Variants in NRXN3 observed in about 807,000 individuals in gnomAD.
The protein encoded by NRXN3 is neurexin III.
Under a neutral mutation model 137.6 loss-of-function variants are expected in NRXN3, and 32 were observed. That is an observed-to-expected ratio of 0.23 (90% confidence interval 0.18 to 0.31). The LOEUF (loss-of-function observed/expected upper bound fraction) is 0.31, where lower values mean the gene tolerates loss of function less well. NRXN3 is among the 10% of genes least tolerant of loss of function. The pLI is 1.00. For missense variants in NRXN3, 1,574 were observed against 2,062.5 expected, an observed-to-expected ratio of 0.76 and a Z score of 4.59; for synonymous variants, 798 against 784.5, an observed-to-expected ratio of 1.02 and a Z score of -0.29.
At chr14:78,904,871 C>T (rs1213745054) in intron 10 of NRXN3, among the ~76,000 whole-genome samples, 4 of 151,986 alleles carry the variant, frequency 2.6e-5, no homozygotes, top group Admixed American at 6.6e-5. Flanking sequence ...TAGTATATTC[C>T]TATTTTCCCT....
chr14:78,658,170 C>T (rs887372423), intron 6 of NRXN3, among the ~76,000 whole-genome samples: 2 of 152,022 alleles, frequency 1.3e-5, no homozygotes, highest in Non-Finnish European at 2.9e-5. Context: ...CTAGTAAAAC[C>T]CAAGTGAGGC....
At chr14:79,066,592 A>AT (rs2099681058) in intron 15 of NRXN3, among the ~76,000 whole-genome samples, 4 of 152,106 alleles carry the variant, frequency 2.6e-5, no homozygotes, top group Admixed American at 2.6e-4. Context: ...GGCCATTTTC[A>AT]TGATATTGAT....
At chr14:79,269,726 G>A (rs543151925) in intron 15 of NRXN3, among the ~76,000 whole-genome samples, 17 of 152,222 alleles carry the variant, frequency 1.1e-4, no homozygotes, top group African/African-American at 3.9e-4. Flanking sequence ...TTCCCATACC[G>A]ATGAGCTTTT....
At chr14:78,880,515 C>G (rs934243284) in intron 10 of NRXN3, among the ~76,000 whole-genome samples, 5 of 152,082 alleles carry the variant, frequency 3.3e-5, no homozygotes, top group African/African-American at 1.2e-4. Flanking sequence ...ACCAAAGAAA[C>G]TGATATCCCA....
chr14:79,605,548 CATG>C lies in NRXN3; in HGVS notation c.3445-58226_3445-58224del, dbSNP rs2097998044. Among the ~76,000 whole-genome samples the C allele has an allele frequency of 2.0e-5, 3 of 152,038 alleles. No individual in the cohort carries two copies. In the South Asian group the frequency reaches 6.2e-4, roughly 32 times the overall value. ...TGTCACCCAGGCTGGAATGCAGTGG[CATG>C]ATGTCAGCTCACTGCAACCTCCGCC... is the stretch of plus-strand genomic sequence containing the variant. On this transcript the variant is annotated intron_variant, in intron 16 of 20. Transcript: ENST00000335750.
At chr14:79,685,501 GC>G (rs2098690985) in intron 17 of NRXN3, among the ~76,000 whole-genome samples, 1 of 152,092 alleles carries the variant, frequency 6.6e-6, no homozygotes, top group Non-Finnish European at 1.5e-5. Flanking sequence ...TTATAACATG[GC>G]CTTTTTGAGA....
chr14:79,788,567 A>G (rs2099136175), intron 19 of NRXN3, among the ~76,000 whole-genome samples: 1 of 152,194 alleles, frequency 6.6e-6, no homozygotes, highest in Admixed American at 6.5e-5. Context: ...ACTCAAATTA[A>G]CAGAAGAGAA....
chr14:78,611,831 A>C (rs1162549469), intron 4 of NRXN3, among the ~76,000 whole-genome samples: 1 of 152,196 alleles, frequency 6.6e-6, no homozygotes, highest in Non-Finnish European at 1.5e-5. Flanking sequence ...GAGACTTCAG[A>C]AGGTCTTTAG....
intron 4 of NRXN3, among the ~76,000 whole-genome samples, chr14:78,632,502 G>A (rs1258968034): frequency 6.6e-6 from 1 of 152,102 alleles, no homozygotes; most frequent in African/African-American, 2.4e-5. Context: ...TAAATAGGAA[G>A]CAGCATGATC....
At chr14:78,967,622 G>A (rs918374947) in intron 13 of NRXN3, among the ~76,000 whole-genome samples, 1 of 152,136 alleles carries the variant, frequency 6.6e-6, no homozygotes. Context: ...GGAATGTCAT[G>A]CTGTGGGGGC....
At chr14:78,911,841 A>G (rs2099238654) in intron 10 of NRXN3, among the ~76,000 whole-genome samples, 1 of 152,112 alleles carries the variant, frequency 6.6e-6, no homozygotes, top group Admixed American at 6.6e-5. Context: ...TGAGAGAGAG[A>G]TAAATATTTA....
At chr14:78,351,782 CTTTT>C (rs11423743) in intron 4 of NRXN3, among the ~76,000 whole-genome samples, 1 of 127,858 alleles carries the variant, frequency 7.8e-6, no homozygotes, top group Non-Finnish European at 1.6e-5. Context: ...TGGTATTTTT[CTTTT>C]TTTTTTTTTT....
chr14:79,419,383 A>G (rs1041649702), intron 15 of NRXN3, among the ~76,000 whole-genome samples: 30 of 152,212 alleles, frequency 2.0e-4, no homozygotes, highest in African/African-American at 6.5e-4. Context: ...TTAGGTTTAG[A>G]AAAGTCGTTA....
At chr14:78,247,719 A>G (rs948136916) in intron 2 of NRXN3, among the ~76,000 whole-genome samples, 5 of 152,202 alleles carry the variant, frequency 3.3e-5, no homozygotes, top group Admixed American at 1.3e-4. Flanking sequence ...GCTAATGAAG[A>G]GGTATCCTCA....
In NRXN3 at chr14:78,804,989, G is replaced by C. The variant is rs541657421; in HGVS notation, c.2248+1166G>C. 8.5e-5 allele frequency among the ~76,000 whole-genome samples: 13 copies of C among 152,260 alleles called. No individual in the cohort carries two copies. In the South Asian group the frequency reaches 2.7e-3, roughly 32 times the overall value. Reference sequence around the variant, plus strand: ...GAAAAAATGATGAACAAATGTACCAGATGCAAGATCATATGTAGGCCCACA... The same window carrying C: ...GAAAAAATGATGAACAAATGTACCACATGCAAGATCATATGTAGGCCCACA... On this transcript the variant is annotated intron_variant, in intron 9 of 20. Coordinates refer to ENST00000335750, the MANE Select transcript of NRXN3 (RefSeq NM_001330195.2).
chr14:78,176,590 G>A (rs1363391423), intron 1 of NRXN3, among the ~76,000 whole-genome samples: 1 of 152,120 alleles, frequency 6.6e-6, no homozygotes, highest in African/African-American at 2.4e-5. Context: ...TGAATCATCT[G>A]TCATCTTATT....
chr14:79,634,844 T>C (rs556069580), intron 16 of NRXN3, among the ~76,000 whole-genome samples: 1 of 152,328 alleles, frequency 6.6e-6, no homozygotes, highest in East Asian at 1.9e-4. Context: ...CGCCAGACTC[T>C]GGTAATCATT....
At chr14:79,266,159 C>T (rs1285043274) in intron 15 of NRXN3, among the ~76,000 whole-genome samples, 1 of 151,982 alleles carries the variant, frequency 6.6e-6, no homozygotes, top group Non-Finnish European at 1.5e-5. Flanking sequence ...AATGTTTGAG[C>T]CAGGGACTAA....
intron 15 of NRXN3, among the ~76,000 whole-genome samples, chr14:79,099,872 C>T (rs974137198): frequency 6.6e-6 from 1 of 152,296 alleles, no homozygotes; most frequent in East Asian, 1.9e-4. Flanking sequence ...TCCTCAAGGC[C>T]TCTAACTTGC....
Sources: gnomAD v4.1 joint callset for allele counts (sites outside exome capture counted in the v4.1 genomes callset) on GRCh38, gnomAD v4.1.1 for gene constraint, MANE v1.5 for transcripts, NCBI Gene and HGNC (gene_info 2026-07-23, HGNC 2026-07-21) for gene names.